FAM227B: variants seen among roughly 807,000 people sequenced by gnomAD.
FAM227B encodes the protein protein FAM227B.
Under a neutral mutation model 73.8 loss-of-function variants are expected in FAM227B, and 88 were observed. The observed-to-expected ratio is 1.19, with a 90% confidence interval of 1.00 to 1.42. The LOEUF (loss-of-function observed/expected upper bound fraction) is 1.42. FAM227B is among the 40% of genes most tolerant of loss of function. The pLI, the probability that FAM227B is intolerant of heterozygous loss-of-function variation, is 0.00. For missense variants in FAM227B, 632 were observed against 590.9 expected, an observed-to-expected ratio of 1.07 and a Z score of -0.72; for synonymous variants, 210 against 190.5, an observed-to-expected ratio of 1.10 and a Z score of -0.84.
intron 10 of FAM227B, among the ~76,000 whole-genome samples, chr15:49,536,627 G>A (rs377105268): frequency 2.6e-4 from 39 of 151,980 alleles, no homozygotes; most frequent in African/African-American, 9.1e-4. Flanking sequence ...GGAAAAAAAC[G>A]TTGTAGGCAT....
At chr15:49,474,133 T>C (rs922352792) in intron 11 of FAM227B, among the ~76,000 whole-genome samples, 1 of 152,208 alleles carries the variant, frequency 6.6e-6, no homozygotes, top group Non-Finnish European at 1.5e-5. Flanking sequence ...ATTGTATTAC[T>C]GTAAAATACA....
chr15:49,427,930 C>T (rs1259496196), intron 11 of FAM227B, among the ~76,000 whole-genome samples: 2 of 152,006 alleles, frequency 1.3e-5, no homozygotes, highest in African/African-American at 2.4e-5. Context: ...CTTAAGCTAT[C>T]CTGGATTGTG....
intron 10 of FAM227B, among the ~76,000 whole-genome samples, chr15:49,515,403 T>C (rs571937112): frequency 1.6e-4 from 24 of 152,310 alleles, no homozygotes; most frequent in Non-Finnish European, 2.5e-4. Context: ...ATATTAATTA[T>C]GGTTATTTCA....
chr15:49,356,943 C>T (rs1286522372), intron 13 of FAM227B, among the ~76,000 whole-genome samples: 1 of 149,458 alleles, frequency 6.7e-6, no homozygotes, highest in Non-Finnish European at 1.5e-5. Flanking sequence ...CTCAAAACCG[C>T]TCCACTACAT....
chr15:49,551,336 C>T (rs1025898249), intron 9 of FAM227B, among the ~76,000 whole-genome samples: 2 of 152,050 alleles, frequency 1.3e-5, no homozygotes, highest in South Asian at 2.1e-4. Context: ...CTGAATTGAC[C>T]CCTTTATTAT....
chr15:49,365,314 C>T, intron 13 of FAM227B: 2 of 1,565,018 alleles, frequency 1.3e-6, no homozygotes, highest in Admixed American at 1.7e-5. Context: ...CCTTTTTCAT[C>T]AGCACCAGAA....
At chr15:49,372,163 C>A in intron 11 of FAM227B, among the ~76,000 whole-genome samples, 2 of 120,704 alleles carry the variant, frequency 1.7e-5, no homozygotes, top group Non-Finnish European at 3.5e-5. Context: ...AAATAAAATT[C>A]ATTTATAAAT....
intron 11 of FAM227B, among the ~76,000 whole-genome samples, chr15:49,436,485 A>G (rs1046825089): frequency 6.6e-6 from 1 of 151,628 alleles, no homozygotes; most frequent in African/African-American, 2.4e-5. Flanking sequence ...TTTTTCCCTC[A>G]ATGAAAACAT....
At chr15:49,370,562 G>A (rs912193144) in intron 12 of FAM227B, among the ~76,000 whole-genome samples, 1 of 152,126 alleles carries the variant, frequency 6.6e-6, no homozygotes, top group African/African-American at 2.4e-5. Flanking sequence ...TTAAACTTGG[G>A]TTATTAAATA....
intron 13 of FAM227B, among the ~76,000 whole-genome samples, chr15:49,354,271 G>C (rs1424894926): frequency 1.3e-5 from 2 of 152,206 alleles, no homozygotes; most frequent in Non-Finnish European, 2.9e-5. Flanking sequence ...AACAGCTCCG[G>C]TCTACAGCTC....
chr15:49,571,255 C>T (rs530057898), intron 8 of FAM227B, among the ~76,000 whole-genome samples: 2 of 151,914 alleles, frequency 1.3e-5, no homozygotes, highest in South Asian at 4.1e-4. Context: ...GGACATTAAC[C>T]CCTTATCAGA....
intron 11 of FAM227B, among the ~76,000 whole-genome samples, chr15:49,378,347 T>C (rs2046304464): frequency 6.6e-6 from 1 of 152,088 alleles, no homozygotes; most frequent in Non-Finnish European, 1.5e-5. Flanking sequence ...AGAATATCAT[T>C]GGTATTTTGA....
intron 5 of FAM227B, among the ~76,000 whole-genome samples, chr15:49,583,487 ACT>A (rs1332201827): frequency 6.6e-6 from 1 of 152,030 alleles, no homozygotes; most frequent in African/African-American, 2.4e-5. Flanking sequence ...TCAGGAGGTT[ACT>A]CTTTTTGGTC....
intron 13 of FAM227B, among the ~76,000 whole-genome samples, chr15:49,357,558 C>T (rs199599626): frequency 0.25 from 36,798 of 149,796 alleles, 5,476 homozygotes; most frequent in Non-Finnish European, 0.34. Context: ...AATCTCTGAA[C>T]AGACCAATAA....
chr15:49,504,623 G>C (rs932667014), intron 11 of FAM227B, among the ~76,000 whole-genome samples: 1 of 151,934 alleles, frequency 6.6e-6, no homozygotes, highest in African/African-American at 2.4e-5. Flanking sequence ...AAAAGTGTGT[G>C]GCACCTCCCT....
chr15:49,341,729 G>T (rs1032147073), intron 13 of FAM227B, among the ~76,000 whole-genome samples: 6 of 152,134 alleles, frequency 3.9e-5, no homozygotes, highest in African/African-American at 1.4e-4. Flanking sequence ...GCATCCCAGA[G>T]ATTTTGGTAT....
chr15:49,330,013 T>C (rs2038332592), intron 15 of FAM227B: 1 of 153,086 alleles, frequency 6.5e-6, no homozygotes. Context: ...AGTCTTACTA[T>C]CACTGTGTGG....
intron 10 of FAM227B, among the ~76,000 whole-genome samples, chr15:49,539,049 G>A (rs1202220659): frequency 2.0e-5 from 3 of 152,102 alleles, no homozygotes; most frequent in Admixed American, 1.3e-4. Context: ...ATTTGATGGT[G>A]CAGTCACCTC....
chr15:49,541,744 C>T lies in FAM227B; in HGVS notation c.810G>A (p.Ser270=), dbSNP rs755205154. The T allele has an allele frequency of 1.3e-4, 203 of 1,542,356 alleles. No homozygotes were observed. The highest frequency in any genetic ancestry group is 1.2e-4 in the Non-Finnish European group (134 of 1,144,186). ...TAAATTCATCATTAAAGAGGTAACT[C>T]GATTCTGGAAATGCTTCATGGAACG... ...YATFHEAFPE[S]SYLFNDEFKE... Residue 270 remains serine (S), a synonymous_variant, in exon 10 of 16, where the codon TCG becomes TCA. Transcript: ENST00000299338.
Sources: allele counts gnomAD v4.1 joint callset (sites outside exome capture counted in the v4.1 genomes callset), GRCh38; gene constraint gnomAD v4.1.1; transcripts MANE v1.5; gene names NCBI Gene and HGNC (gene_info 2026-07-23, HGNC 2026-07-21).